The following RBFOX2 variants were observed in gnomAD, a reference collection of about 807,000 sequenced individuals.
RBFOX2 encodes the protein RNA binding fox-1 homolog 2, also known as RNA binding protein fox-1 homolog 2.
RBFOX2 carries 10 observed loss-of-function variants against 49.1 expected under a neutral mutation model. The observed-to-expected ratio is 0.20, with a 90% confidence interval of 0.13 to 0.35. The LOEUF (loss-of-function observed/expected upper bound fraction) is 0.35. Among genes scored for constraint, RBFOX2 ranks in the 10% least tolerant of loss-of-function variants. RBFOX2 has a pLI of 1.00. For synonymous variants in RBFOX2, 183 were observed against 187.4 expected, an observed-to-expected ratio of 0.98 and a Z score of 0.19; for missense variants, 323 against 486.9, an observed-to-expected ratio of 0.66 and a Z score of 3.17.
Position 35,849,778 on chromosome 22 carries a change from G to C in RBFOX2, c.-33-39774C>G, listed in dbSNP as rs371407664. Among the ~76,000 whole-genome samples the C allele has an allele frequency of 3.3e-5, 5 of 152,322 alleles. No homozygotes were observed. In the South Asian group the frequency reaches 1.0e-3, roughly 32 times the overall value. On this transcript the variant is annotated intron_variant, in intron 1 of 13. Transcript: ENST00000359369. Reference sequence around the variant, plus strand: ...TAGGTATGCTGGCTCAGCTGATGAAGTCGGAGCTTGGTTGAGACCAGGCCT... The same window carrying C: ...TAGGTATGCTGGCTCAGCTGATGAACTCGGAGCTTGGTTGAGACCAGGCCT...
In RBFOX2 at chr22:35,827,602, C is replaced by T. The variant is rs547080781; in HGVS notation, c.27+12590G>A. Among the ~76,000 whole-genome samples, 19 of 152,310 alleles carry T rather than the reference C, an allele frequency of 1.2e-4. No individual in the cohort carries two copies. In the South Asian group the frequency reaches 3.9e-3, roughly 32 times the overall value. On this transcript the variant is annotated intron_variant, in intron 1 of 11. Coordinates refer to ENST00000405409, the Ensembl canonical transcript of RBFOX2. ...AGCAATGCCATAGCCATTCTCCTCA[C>T]ACCTTCCACTTCTGCCAAACTTCTC...
At chr22:35,823,411 C>G (rs886576020) in intron 1 of RBFOX2, among the ~76,000 whole-genome samples, 2 of 152,182 alleles carry the variant, frequency 1.3e-5, no homozygotes, top group Non-Finnish European at 2.9e-5. Context: ...TTTGTTTTAG[C>G]TTTTCCAGAA....
At chr22:35,872,752 C>T (rs533959113) in intron 1 of RBFOX2, among the ~76,000 whole-genome samples, 5 of 152,274 alleles carry the variant, frequency 3.3e-5, no homozygotes, top group East Asian at 1.9e-4. Flanking sequence ...AGCTGGTGTT[C>T]GTCTCTTGAC....
At chr22:35,917,417 G>C (rs1316294080) in intron 1 of RBFOX2, among the ~76,000 whole-genome samples, 1 of 152,190 alleles carries the variant, frequency 6.6e-6, no homozygotes, top group Admixed American at 6.5e-5. Context: ...TAAGAATGAG[G>C]GGAGGGGACA....
chr22:35,979,865 G>A (rs76570802), intron 1 of RBFOX2, among the ~76,000 whole-genome samples: 3,514 of 152,230 alleles, frequency 0.023, 60 homozygotes, highest in Middle Eastern at 0.075. Context: ...TCAAACTCTG[G>A]AGCCTTTAAT....
rs1444918447 is a variant in RBFOX2, at chr22:36,006,977, G to GAATACT, written c.186+21262_186+21263insAGTATT. Among the ~76,000 whole-genome samples the GAATACT allele has an allele frequency of 9.4e-3, 1,423 of 152,162 alleles. 20 individuals carry two copies. Among genetic ancestry groups the GAATACT allele is most frequent in the African/African-American group, 0.033 (1,363 of 41,510 alleles). The stretch of plus-strand genomic sequence containing the variant: ...GTCCATTTGTTCATAAAATTCCAAG[G>GAATACT]TGAAAAAAATCCAAGTAACCCATGG... On this transcript the variant is annotated intron_variant, in intron 1 of 13. Transcript: ENST00000438146.
At chr22:35,774,633 TGAAGGCAAAA>T (rs1943460158) in intron 4 of RBFOX2, among the ~76,000 whole-genome samples, 2 of 152,094 alleles carry the variant, frequency 1.3e-5, no homozygotes, top group African/African-American at 4.8e-5. Context: ...ATCTAGAATA[TGAAGGCAAAA>T]GAAGGAAAAA....
chr22:35,817,762 G>A (rs1953466776), intron 1 of RBFOX2, among the ~76,000 whole-genome samples: 2 of 152,036 alleles, frequency 1.3e-5, no homozygotes, highest in East Asian at 1.9e-4. Flanking sequence ...TCAGGAACAC[G>A]ACCAGTACAA....
At chr22:35,744,077 GT>G (rs555384019) in exon 12 of RBFOX2, 138 of 771,256 alleles carry the variant, frequency 1.8e-4, no homozygotes, top group South Asian at 5.2e-4. Flanking sequence ...CTTTTTTTGT[GT>G]TTTTTTTTGT....
chr22:35,981,368 C>T lies in RBFOX2; in HGVS notation c.187-42471G>A, dbSNP rs116947777. ...TCAAAAATCCAAACATTCAGCCAGG[C>T]GTGGTGGCTCACACCAGTAATCCCA... On this transcript the variant is annotated intron_variant, in intron 1 of 13. Coordinates refer to the RBFOX2 transcript ENST00000438146. Among the ~76,000 whole-genome samples, 433 of 152,228 alleles carry T rather than the reference C, an allele frequency of 2.8e-3. 2 individuals carry two copies. Among genetic ancestry groups the T allele is most frequent in the East Asian group, 0.016 (85 of 5,178 alleles).
At chr22:35,973,888 G>A (rs181723833) in intron 1 of RBFOX2, among the ~76,000 whole-genome samples, 1 of 152,186 alleles carries the variant, frequency 6.6e-6, no homozygotes, top group Admixed American at 6.5e-5. Flanking sequence ...CCCTAAAAAT[G>A]TATTCTCTTA....
intron 1 of RBFOX2, among the ~76,000 whole-genome samples, chr22:35,906,302 C>T (rs2049124429): frequency 1.3e-5 from 2 of 152,136 alleles, no homozygotes; most frequent in African/African-American, 4.8e-5. Flanking sequence ...AGCAACTTTT[C>T]ACGATATGAC....
chr22:35,831,278 C>G (rs1956751236), intron 1 of RBFOX2, among the ~76,000 whole-genome samples: 1 of 152,068 alleles, frequency 6.6e-6, no homozygotes, highest in Non-Finnish European at 1.5e-5. Context: ...CCTGTCTCTA[C>G]TAAAATTACA....
intron 1 of RBFOX2, among the ~76,000 whole-genome samples, chr22:35,834,477 A>G (rs770918177): frequency 6.6e-6 from 1 of 152,202 alleles, no homozygotes; most frequent in Non-Finnish European, 1.5e-5. Context: ...GAGGAGACAG[A>G]CAACAAACAA....
chr22:35,773,387 A>G (rs1026248572), intron 4 of RBFOX2, among the ~76,000 whole-genome samples: 2 of 152,114 alleles, frequency 1.3e-5, no homozygotes, highest in African/African-American at 4.8e-5. Context: ...TCTACCTGAG[A>G]GAAGTAATGA....
chr22:35,912,211 C>T (rs368172148), intron 1 of RBFOX2, among the ~76,000 whole-genome samples: 6 of 152,188 alleles, frequency 3.9e-5, no homozygotes, highest in African/African-American at 1.4e-4. Flanking sequence ...TCTCAGAGCA[C>T]ACCACTGGGA....
At chr22:36,015,444 A>G (rs1192751989) in intron 1 of RBFOX2, among the ~76,000 whole-genome samples, 2 of 152,220 alleles carry the variant, frequency 1.3e-5, no homozygotes, top group African/African-American at 4.8e-5. Context: ...GTTCCAACAA[A>G]GTCTTCAAAC....
chr22:35,766,584 C>A (rs1292587651), intron 5 of RBFOX2, among the ~76,000 whole-genome samples: 1 of 151,940 alleles, frequency 6.6e-6, no homozygotes, highest in East Asian at 1.9e-4. Context: ...CTTCGCCCAC[C>A]AAATAATATA....
chr22:35,778,552 C>T (rs975858157), intron 3 of RBFOX2, among the ~76,000 whole-genome samples: 4 of 151,926 alleles, frequency 2.6e-5, no homozygotes, highest in Admixed American at 2.0e-4. Flanking sequence ...ATCCTATCAT[C>T]GTAATGCTTT....
Sources: allele counts gnomAD v4.1 joint callset (sites outside exome capture counted in the v4.1 genomes callset), GRCh38; gene constraint gnomAD v4.1.1; transcripts MANE v1.5; gene names NCBI Gene and HGNC (gene_info 2026-07-23, HGNC 2026-07-21).